The following TAS2R1 variants were observed in gnomAD, a reference collection of about 807,000 sequenced individuals.
The protein encoded by TAS2R1 is taste receptor type 2 member 1.
For synonymous variants in TAS2R1, 141 were observed against 134.2 expected (o/e 1.05, Z -0.35); for missense variants, 370 against 353.4 (o/e 1.05, Z -0.38).
the TAS2R1 span, among the ~76,000 whole-genome samples, chr5:9,797,612 G>A: frequency 5.3e-5 from 8 of 152,102 alleles, no homozygotes; most frequent in East Asian, 7.7e-4. Flanking sequence ...TGATGCCACC[G>A]GTGATTCTGC....
chr5:9,772,653 T>A, the TAS2R1 span, among the ~76,000 whole-genome samples: 53,364 of 151,928 alleles, frequency 0.35, 10,034 homozygotes, highest in Admixed American at 0.44. Context: ...GTTCTAATAA[T>A]ATTTGCTTTA....
the TAS2R1 span, among the ~76,000 whole-genome samples, chr5:9,737,519 G>A: frequency 3.3e-5 from 5 of 152,230 alleles, no homozygotes; most frequent in Non-Finnish European, 4.4e-5. Flanking sequence ...AGTCACCACC[G>A]ACTCTCTGTC....
At chr5:9,737,268 C>A in the TAS2R1 span, among the ~76,000 whole-genome samples, 1 of 152,152 alleles carries the variant, frequency 6.6e-6, no homozygotes, top group South Asian at 2.1e-4. Flanking sequence ...TGGGGGTGTT[C>A]ACTTACACAT....
At chr5:9,729,457 C>T in the TAS2R1 span, among the ~76,000 whole-genome samples, 1 of 152,182 alleles carries the variant, frequency 6.6e-6, no homozygotes, top group Non-Finnish European at 1.5e-5. Flanking sequence ...CACACTGCCT[C>T]CAACCTAAGG....
In TAS2R1 at chr5:9,629,417, G is replaced by A. The variant is rs2234233; in HGVS notation, c.616C>T (p.Arg206Trp). The A allele has an allele frequency of 0.16, 259,472 of 1,613,938 alleles. 21,764 individuals carry two copies. Among genetic ancestry groups the A allele is most frequent in the South Asian group, 0.18 (16,343 of 91,064 alleles). Residue 206 changes from arginine to tryptophan, a missense_variant, in exon 1 of 1, where the codon CGG becomes TGG. Arg to Trp is a moderately radical substitution (Grantham distance 101). Coordinates refer to ENST00000382492, the MANE Select transcript of TAS2R1 (RefSeq NM_019599.3). ...LLIFSLGRHT[R>W]QMRNTVAGSR... The stretch of plus-strand genomic sequence containing the variant: ...CCGGCCACTGTGTTTCTCATTTGCC[G>A]GGTGTGCCTCCCCAGAGAGAAAATC...
At chr5:9,732,430 G>T in the TAS2R1 span, among the ~76,000 whole-genome samples, 26 of 151,954 alleles carry the variant, frequency 1.7e-4, no homozygotes, top group African/African-American at 6.3e-4. Flanking sequence ...TTACATATAA[G>T]GCTCTCCAGG....
chr5:9,813,484 T>G, the TAS2R1 span, among the ~76,000 whole-genome samples: 2 of 152,186 alleles, frequency 1.3e-5, no homozygotes, highest in African/African-American at 4.8e-5. Flanking sequence ...GCAGCAGCTA[T>G]CTTGGATGCA....
the TAS2R1 span, among the ~76,000 whole-genome samples, chr5:9,878,953 C>T: frequency 6.6e-6 from 1 of 152,206 alleles, no homozygotes; most frequent in African/African-American, 2.4e-5. Context: ...ACCCTGAAGG[C>T]CAGTGAGTGC....
At chr5:9,895,157 A>AG in the TAS2R1 span, among the ~76,000 whole-genome samples, 1 of 152,106 alleles carries the variant, frequency 6.6e-6, no homozygotes, top group Non-Finnish European at 1.5e-5. Context: ...GTGTGTGTGA[A>AG]GGGGGGTGAT....
chr5:9,649,940 C>G (rs932688904), intron 2 of TAS2R1, among the ~76,000 whole-genome samples: 1 of 152,072 alleles, frequency 6.6e-6, no homozygotes, highest in African/African-American at 2.4e-5. Flanking sequence ...TATTTTAAAC[C>G]AGGTATACTG....
chr5:9,708,946 G>C (rs576687440), intron 1 of TAS2R1, among the ~76,000 whole-genome samples: 21 of 152,126 alleles, frequency 1.4e-4, no homozygotes, highest in African/African-American at 4.8e-4. Flanking sequence ...ACAGCTCCAG[G>C]CACCATGCTC....
chr5:9,864,967 G>A, the TAS2R1 span, among the ~76,000 whole-genome samples: 4 of 152,172 alleles, frequency 2.6e-5, no homozygotes, highest in South Asian at 2.1e-4. Flanking sequence ...CAGCAAGCTG[G>A]ATGGTTGACC....
At chr5:9,842,046 C>T in the TAS2R1 span, among the ~76,000 whole-genome samples, 1 of 152,164 alleles carries the variant, frequency 6.6e-6, no homozygotes, top group Non-Finnish European at 1.5e-5. Flanking sequence ...AACAGATTAA[C>T]TTATCTGTAA....
the TAS2R1 span, among the ~76,000 whole-genome samples, chr5:9,856,052 AAG>A: frequency 3.9e-5 from 6 of 152,320 alleles, no homozygotes; most frequent in Middle Eastern, 3.4e-3. Context: ...ACTTTTTAAA[AAG>A]AAGGCAATAA....
At chr5:9,837,047 G>A in the TAS2R1 span, among the ~76,000 whole-genome samples, 1 of 152,162 alleles carries the variant, frequency 6.6e-6, no homozygotes, top group Non-Finnish European at 1.5e-5. Flanking sequence ...GCTGAAATTG[G>A]AACTCAATGG....
chr5:9,636,877 G>C (rs1405416208), intron 2 of TAS2R1, among the ~76,000 whole-genome samples: 1 of 152,044 alleles, frequency 6.6e-6, no homozygotes. Context: ...TATCCATTCT[G>C]CCATTCTGGG....
chr5:9,631,472 C>A (rs1579760050), upstream of TAS2R1, among the ~76,000 whole-genome samples: 1 of 152,088 alleles, frequency 6.6e-6, no homozygotes, highest in Non-Finnish European at 1.5e-5. Flanking sequence ...AACCTCCCGA[C>A]CTCAAGCAAT....
chr5:9,882,319 C>A, the TAS2R1 span, among the ~76,000 whole-genome samples: 1 of 152,010 alleles, frequency 6.6e-6, no homozygotes, highest in African/African-American at 2.4e-5. Flanking sequence ...TCGTGCCAGT[C>A]AGATGATTAT....
the TAS2R1 span, among the ~76,000 whole-genome samples, chr5:9,770,748 T>C: frequency 6.6e-6 from 1 of 152,222 alleles, no homozygotes; most frequent in Non-Finnish European, 1.5e-5. Flanking sequence ...TATGTTACTT[T>C]TGTATCCTGC....
Sources: allele counts gnomAD v4.1 joint callset (sites outside exome capture counted in the v4.1 genomes callset), GRCh38; gene constraint gnomAD v4.1.1; transcripts MANE v1.5; gene names NCBI Gene and HGNC (gene_info 2026-07-23, HGNC 2026-07-21).